Variants in CSGALNACT1 observed in about 807,000 individuals in gnomAD.
The protein encoded by CSGALNACT1 is beta4GalNAcT-1.
In CSGALNACT1, 52 loss-of-function variants were observed where a neutral mutation model predicts 51.0. The ratio of observed to expected loss-of-function variants is 1.02; its 90% CI spans 0.82 to 1.29. The LOEUF (loss-of-function observed/expected upper bound fraction) is 1.29. Ranked by LOEUF, CSGALNACT1 falls within the 50% of genes most tolerant of loss-of-function variation. The pLI, the probability that CSGALNACT1 is intolerant of heterozygous loss-of-function variation, is 0.00. For missense variants in CSGALNACT1, 935 were observed against 679.2 expected, an observed-to-expected ratio of 1.38 and a Z score of -4.19; for synonymous variants, 341 against 254.4, an observed-to-expected ratio of 1.34 and a Z score of -3.24.
chr8:19,641,294 T>G (rs2056721954), intron 1 of CSGALNACT1, among the ~76,000 whole-genome samples: 1 of 152,104 alleles, frequency 6.6e-6, no homozygotes, highest in Non-Finnish European at 1.5e-5. Context: ...AGTCTGGGCT[T>G]TCTCCAGTGA....
intron 3 of CSGALNACT1, among the ~76,000 whole-genome samples, chr8:19,514,324 A>G (rs1407404949): frequency 6.6e-6 from 1 of 151,708 alleles, no homozygotes; most frequent in African/African-American, 2.4e-5. Context: ...GGTTTCACAC[A>G]GACAGCAATC....
At chr8:19,666,815 G>GAGAA (rs2059249976) in intron 1 of CSGALNACT1, among the ~76,000 whole-genome samples, 2 of 31,342 alleles carry the variant, frequency 6.4e-5, no homozygotes, top group African/African-American at 3.0e-4. Flanking sequence ...AAGAAAGAGA[G>GAGAA]AGAGAGAGAG....
intron 4 of CSGALNACT1, 99 bp from the exon 4 acceptor site, chr8:19,458,741 T>C (rs1423965306): frequency 1.8e-6 from 2 of 1,113,318 alleles, no homozygotes; most frequent in Non-Finnish European, 2.7e-6. Flanking sequence ...TTAAAAAGTG[T>C]TTAAGATGAA....
chr8:19,464,265 C>T (rs1457175638), intron 4 of CSGALNACT1, among the ~76,000 whole-genome samples: 1 of 152,194 alleles, frequency 6.6e-6, no homozygotes, highest in African/African-American at 2.4e-5. Flanking sequence ...CAACCCACAT[C>T]CTGGCCTCTG....
intron 1 of CSGALNACT1, among the ~76,000 whole-genome samples, chr8:19,699,877 G>A (rs891741900): frequency 2.6e-5 from 4 of 152,106 alleles, no homozygotes; most frequent in Non-Finnish European, 5.9e-5. Flanking sequence ...CTGGGAGGCC[G>A]AAGAGGGGAC....
intron 3 of CSGALNACT1, among the ~76,000 whole-genome samples, chr8:19,586,390 C>T (rs369485268): frequency 5.3e-4 from 75 of 140,884 alleles, no homozygotes; most frequent in Non-Finnish European, 9.0e-4. Flanking sequence ...AGTGGAGACA[C>T]GCACCGTAGT....
intron 4 of CSGALNACT1, among the ~76,000 whole-genome samples, chr8:19,471,506 CTT>C (rs2068163100): frequency 6.6e-6 from 1 of 152,138 alleles, no homozygotes; most frequent in Non-Finnish European, 1.5e-5. Context: ...TGTTCTGAAA[CTT>C]GCCTTAGTCT....
intron 8 of CSGALNACT1, among the ~76,000 whole-genome samples, chr8:19,414,221 C>G (rs748731193): frequency 2.0e-5 from 3 of 152,102 alleles, no homozygotes; most frequent in Non-Finnish European, 2.9e-5. Flanking sequence ...GCTCTGTGCC[C>G]AAAGATTGCT....
intron 1 of CSGALNACT1, among the ~76,000 whole-genome samples, chr8:19,621,074 T>G (rs576750678): frequency 6.6e-6 from 1 of 152,340 alleles, no homozygotes; most frequent in East Asian, 1.9e-4. Flanking sequence ...GAGTTCTTTA[T>G]CAGGAAAACC....
chr8:19,551,191 C>A (rs146689263), intron 3 of CSGALNACT1, among the ~76,000 whole-genome samples: 15 of 152,292 alleles, frequency 9.8e-5, no homozygotes, highest in Admixed American at 8.5e-4. Flanking sequence ...ACAACAAAGT[C>A]GGATAACAGG....
At chr8:19,466,984 T>C (rs1333640673) in intron 4 of CSGALNACT1, among the ~76,000 whole-genome samples, 1 of 152,216 alleles carries the variant, frequency 6.6e-6, no homozygotes, top group Admixed American at 6.5e-5. Flanking sequence ...ACACTGCATT[T>C]GTTGTGTATT....
intron 1 of CSGALNACT1, among the ~76,000 whole-genome samples, chr8:19,618,165 A>G (rs895341011): frequency 6.6e-6 from 1 of 152,020 alleles, no homozygotes; most frequent in Non-Finnish European, 1.5e-5. Context: ...TACAGACAAT[A>G]TTACTGCAAC....
At position 19,696,453 on chromosome 8, in the gene CSGALNACT1, G is replaced by A. The variant is rs117514059; in HGVS notation, c.-297+61397C>T. On this transcript the variant is annotated intron_variant, in intron 1 of 1. Transcript: ENST00000517494. ...AACATTTAATACATAATTGGAACAGGGCATATGAAACACCACGATGCAGAT... is the reference window on the plus strand; with the variant it reads ...AACATTTAATACATAATTGGAACAGAGCATATGAAACACCACGATGCAGAT... Among the ~76,000 whole-genome samples, 1,430 of 152,286 alleles carry A rather than the reference G, an allele frequency of 9.4e-3. 13 individuals are homozygous for A. The highest frequency in any genetic ancestry group is 0.014 in the Non-Finnish European group (964 of 68,022).
chr8:19,678,480 G>C (rs909163072), intron 1 of CSGALNACT1: 1 of 152,190 alleles, frequency 6.6e-6, no homozygotes, highest in African/African-American at 2.4e-5. Flanking sequence ...TACTGATTAT[G>C]TCTGACGTAA....
chr8:19,585,119 G>A (rs945921067), intron 3 of CSGALNACT1: 9 of 152,164 alleles, frequency 5.9e-5, no homozygotes, highest in Non-Finnish European at 8.8e-5. Context: ...AATTACATAC[G>A]TAAAATAGAT....
chr8:19,706,787 C>G (rs1480130432), intron 1 of CSGALNACT1, among the ~76,000 whole-genome samples: 2 of 152,074 alleles, frequency 1.3e-5, no homozygotes, highest in Non-Finnish European at 2.9e-5. Context: ...CCATGCCTGG[C>G]TACATTTTTT....
chr8:19,711,363 A>G (rs2062493018), intron 1 of CSGALNACT1, among the ~76,000 whole-genome samples: 1 of 152,216 alleles, frequency 6.6e-6, no homozygotes, highest in African/African-American at 2.4e-5. Flanking sequence ...AAAAAGAGAC[A>G]AAGGAAGAGA....
rs958868777 is a variant in CSGALNACT1 at position 19,697,676 on chromosome 8, G to C, written c.-297+60174C>G. On this transcript the variant is annotated intron_variant, in intron 1 of 1. Coordinates refer to the CSGALNACT1 transcript ENST00000517494. Reference sequence around the variant, plus strand: ...CCATGCTATGGGTCCAGCGGCTTCAGGGCCCTTGCTGGGACCGAGCAGAGT... The same window carrying C: ...CCATGCTATGGGTCCAGCGGCTTCACGGCCCTTGCTGGGACCGAGCAGAGT... Among the ~76,000 whole-genome samples, 3 of 152,178 alleles carry C rather than the reference G, an allele frequency of 2.0e-5. No homozygotes were observed. The East Asian group carries it at 5.8e-4, about 29-fold the overall frequency.
rs770062518 is a variant in CSGALNACT1 at position 19,458,640 on chromosome 8, T to C, written c.637A>G (p.Ile213Val). 24 of 1,613,944 alleles carry C rather than the reference T, an allele frequency of 1.5e-5. No individual in the cohort carries two copies. In the Middle Eastern group the frequency reaches 4.9e-4, roughly 33 times the overall value. Residue 213 changes from isoleucine (I) to valine (V), a missense_variant and splice_region_variant, in exon 5 of 10, where the codon ATC becomes GTC. Coordinates refer to ENST00000454498, the Ensembl canonical transcript of CSGALNACT1. Reference sequence around the variant, plus strand: ...CCTTTGTCCCTTTCTGTTCGGTAGATCCCTGTTAAGAGAAAAACAAGGAAA... The same window carrying C: ...CCTTTGTCCCTTTCTGTTCGGTAGACCCCTGTTAAGAGAAAAACAAGGAAA...
Sources: allele counts gnomAD v4.1 joint callset (sites outside exome capture counted in the v4.1 genomes callset), GRCh38; gene constraint gnomAD v4.1.1; transcripts MANE v1.5; gene names NCBI Gene and HGNC (gene_info 2026-07-23, HGNC 2026-07-21).